The following PASD1 variants were observed in gnomAD, a reference collection of about 807,000 sequenced individuals.
The protein encoded by PASD1 is circadian clock protein PASD1.
A neutral mutation model predicts 58.8 loss-of-function variants in PASD1; 13 were observed. That is an observed-to-expected ratio of 0.22 (90% CI 0.14 to 0.35). The LOEUF is 0.35. Among genes scored for constraint, PASD1 ranks in the 10% least tolerant of loss-of-function variants. PASD1 has a pLI of 1.00. For synonymous variants in PASD1, 236 were observed against 216.7 expected (o/e 1.09, Z -0.78); for missense variants, 734 against 568.3 (o/e 1.29, Z -2.96).
chrX:151,662,692 A>G (rs1386726389), intron 10 of PASD1, among the ~76,000 whole-genome samples: 1 of 112,274 alleles, frequency 8.9e-6, no homozygotes, highest in Admixed American at 9.4e-5. Flanking sequence ...CATAGGGTTC[A>G]TTCTAGCCTT....
intron 10 of PASD1, among the ~76,000 whole-genome samples, chrX:151,662,519 G>C (rs1437965072): frequency 1.8e-5 from 2 of 111,135 alleles, no homozygotes; most frequent in African/African-American, 3.3e-5. Flanking sequence ...CATTGTTACA[G>C]GTGTGTCACT....
intron 9 of PASD1, among the ~76,000 whole-genome samples, chrX:151,657,157 C>T (rs746583630): frequency 9.8e-5 from 11 of 111,863 alleles, no homozygotes; most frequent in Admixed American, 3.8e-4. Flanking sequence ...TGCTGGATTA[C>T]GTTTATTGAT....
chrX:151,584,947 G>A (rs1156694515), intron 1 of PASD1, among the ~76,000 whole-genome samples: 1 of 111,953 alleles, frequency 8.9e-6, no homozygotes, highest in East Asian at 2.8e-4. Context: ...TTTGTACCAA[G>A]TTTTCTATAT....
intron 11 of PASD1, among the ~76,000 whole-genome samples, chrX:151,669,831 T>C (rs1446287219): frequency 3.6e-5 from 4 of 112,060 alleles, no homozygotes; most frequent in African/African-American, 9.7e-5. Context: ...TTTTGGCTAT[T>C]GTGAATAGTA....
intron 8 of PASD1, among the ~76,000 whole-genome samples, chrX:151,646,647 G>A (rs1056506853): frequency 8.9e-6 from 1 of 112,490 alleles, no homozygotes; most frequent in Non-Finnish European, 1.9e-5. Context: ...CTATTTAGAA[G>A]CCAATATAAA....
At chrX:151,673,175 A>G (rs1420698695) in intron 14 of PASD1, 2 of 122,221 alleles carry the variant, frequency 1.6e-5, no homozygotes, top group African/African-American at 6.4e-5. Flanking sequence ...AGAACACATG[A>G]AGGCTAAGTC....
chrX:151,672,217 A>G lies in PASD1; in HGVS notation c.1472A>G (p.Glu491Gly). 2 of 1,137,694 alleles carry G rather than the reference A, an allele frequency of 1.8e-6. No homozygotes were observed. Among genetic ancestry groups the G allele is most frequent in the African/African-American group, 1.8e-5 (1 of 55,233 alleles). 93.8% of individuals were successfully genotyped at this position (1,137,694 alleles called of 1,213,427 possible). ...GTGCAGCAAGAACAACACCTGAAGG[A>G]GCAGCAGCGGCAGCTGCGGGAGCAG... ...QLVQQEQHLK[E>G]QQRQLREQLQ... Residue 491 changes from glutamate (E) to glycine (G), a missense_variant, in exon 14 of 16, where the codon GAG becomes GGG. By Grantham distance (98) the Glu-to-Gly change is moderately conservative. Transcript: ENST00000370357.
intron 1 of PASD1, among the ~76,000 whole-genome samples, chrX:151,576,764 A>G (rs2013013704): frequency 8.9e-6 from 1 of 112,133 alleles, no homozygotes; most frequent in Non-Finnish European, 1.9e-5. Context: ...ATTTTCGCCA[A>G]CTACTGTAAT....
At chrX:151,588,436 A>C (rs1043216137) in intron 1 of PASD1, among the ~76,000 whole-genome samples, 2 of 112,054 alleles carry the variant, frequency 1.8e-5, no homozygotes, top group Non-Finnish European at 3.8e-5. Flanking sequence ...TTAAAATTCC[A>C]TGTAAACATC....
chrX:151,638,212 G>A (rs190232566), intron 8 of PASD1, among the ~76,000 whole-genome samples: 75 of 108,870 alleles, frequency 6.9e-4, no homozygotes, highest in African/African-American at 2.4e-3. Flanking sequence ...ACCAAACACC[G>A]CATGTTCTCA....
chrX:151,585,474 G>A (rs2013151182), intron 1 of PASD1, among the ~76,000 whole-genome samples: 2 of 111,565 alleles, frequency 1.8e-5, no homozygotes, highest in Non-Finnish European at 1.9e-5. Context: ...CATATTGGCC[G>A]CTGGTTGAGG....
At chrX:151,653,544 G>A (rs1026519883) in intron 9 of PASD1, among the ~76,000 whole-genome samples, 5 of 110,316 alleles carry the variant, frequency 4.5e-5, no homozygotes, top group African/African-American at 1.3e-4. Context: ...ATTTGATGAC[G>A]GGTGTGAGAA....
chrX:151,640,602 A>G (rs187794983), intron 8 of PASD1, among the ~76,000 whole-genome samples: 1 of 111,694 alleles, frequency 9.0e-6, no homozygotes. Context: ...CTTACCACAC[A>G]GTGCTGGTCT....
Position 151,664,322 on chromosome X carries a change from C to G in PASD1, c.1045C>G (p.Leu349Val), listed in dbSNP as rs202217272. 289 of 1,210,232 alleles carry G rather than the reference C, an allele frequency of 2.4e-4. 1 individual carries two copies. In the East Asian group the frequency reaches 8.3e-3, roughly 35 times the overall value. Residue 349 changes from leucine (L) to valine (V), a missense_variant, in exon 11 of 16, where the codon CTG (leucine) becomes GTG (valine). Coordinates refer to ENST00000370357, the MANE Select transcript of PASD1 (RefSeq NM_173493.3). ...AGTGGATCCAGAGGACTCAGTGGAC[C>G]TGGGGGCTGCTGGCGCAAGTGCTCA... Reference protein sequence around the residue: ...DPVDPEDSVDLGAAGASAQPL... With the variant: ...DPVDPEDSVDVGAAGASAQPL...
chrX:151,671,200 A>T lies in PASD1; in HGVS notation c.1230+4A>T. On this transcript the variant is annotated splice_donor_region_variant and intron_variant, in intron 12 of 15. Transcript: ENST00000370357. ...ATTGATGATGGATCACCTTCAGGTCAGTCAGGATGCTAGGTTTCAGGTCAG... is the reference window on the plus strand; with the variant it reads ...ATTGATGATGGATCACCTTCAGGTCTGTCAGGATGCTAGGTTTCAGGTCAG... The T allele has an allele frequency of 8.3e-7, 1 of 1,209,824 alleles. No homozygotes were observed. Among genetic ancestry groups the T allele is most frequent in the Non-Finnish European group, 1.1e-6 (1 of 894,596 alleles).
chrX:151,658,517 G>A (rs1249430141), intron 9 of PASD1, among the ~76,000 whole-genome samples: 1 of 112,298 alleles, frequency 8.9e-6, no homozygotes, highest in African/African-American at 3.2e-5. Flanking sequence ...TGATTAAATC[G>A]ATAGATGGCT....
At chrX:151,634,698 T>A (rs190192812) in intron 8 of PASD1, among the ~76,000 whole-genome samples, 1 of 111,904 alleles carries the variant, frequency 8.9e-6, no homozygotes, top group African/African-American at 3.2e-5. Flanking sequence ...TACGCATTTT[T>A]ATCAGGAATA....
At chrX:151,579,854 TG>T (rs1217338131) in intron 1 of PASD1, among the ~76,000 whole-genome samples, 1 of 111,948 alleles carries the variant, frequency 8.9e-6, no homozygotes, top group African/African-American at 3.2e-5. Flanking sequence ...TGAAATATAA[TG>T]GGTGAAAATA....
chrX:151,623,155 A>G, intron 7 of PASD1, 91 bp downstream of exon 7: 1 of 1,018,642 alleles, frequency 9.8e-7, no homozygotes, highest in Non-Finnish European at 1.3e-6. Context: ...GCCACTGGAC[A>G]ACATTGCTAA....
Sources: gnomAD v4.1 joint callset for allele counts (sites outside exome capture counted in the v4.1 genomes callset) on GRCh38, gnomAD v4.1.1 for gene constraint, MANE v1.5 for transcripts, NCBI Gene and HGNC (gene_info 2026-07-23, HGNC 2026-07-21) for gene names.